The following BRD4 variants were observed in gnomAD, a reference collection of about 807,000 sequenced individuals.
The protein encoded by BRD4 is bromodomain-containing protein 4.
Under a neutral mutation model 142.1 loss-of-function variants are expected in BRD4, and 16 were observed. The observed-to-expected ratio is 0.11, with a 90% CI of 0.08 to 0.17. BRD4 has a LOEUF of 0.17. Among genes scored for constraint, BRD4 ranks in the 10% least tolerant of loss-of-function variants. BRD4 has a pLI of 1.00. For synonymous variants in BRD4, 833 were observed against 707.5 expected, an observed-to-expected ratio of 1.18 and a Z score of -2.82; for missense variants, 1,424 against 1,810.9, an observed-to-expected ratio of 0.79 and a Z score of 3.88.
At chr19:15,327,126 A>T (rs1275451686) in intron 1 of BRD4, among the ~76,000 whole-genome samples, 2 of 152,126 alleles carry the variant, frequency 1.3e-5, no homozygotes, top group Non-Finnish European at 2.9e-5. Context: ...TAACCATTCT[A>T]CCTAAGTACT....
intron 1 of BRD4, among the ~76,000 whole-genome samples, chr19:15,316,097 A>G (rs2048015578): frequency 7.3e-6 from 1 of 136,330 alleles, no homozygotes; most frequent in South Asian, 2.5e-4. Flanking sequence ...CAGAGCTTGC[A>G]GTGAGCCGAG....
chr19:15,256,616 C>T (rs1363727913), intron 8 of BRD4, among the ~76,000 whole-genome samples: 1 of 152,174 alleles, frequency 6.6e-6, no homozygotes, highest in East Asian at 1.9e-4. Flanking sequence ...CACGAAGGGC[C>T]TGATGACTGG....
In BRD4 at chr19:15,243,468, G is replaced by A; in HGVS notation, c.2601C>T (p.Pro867=). The change falls in exon 14 of 20, where the codon CCC becomes CCT. Residue 867 remains proline (P), a synonymous_variant. Coordinates refer to ENST00000679869, the MANE Select transcript of BRD4 (RefSeq NM_001379291.1). ...GGTTGCTGGGCCGTGATGGCTGCTG[G>A]GGTAGTGCGTTGTGCAAAGCTGGAA... ...VSPPALHNAL[P]QQPSRPSNRA... The A allele has an allele frequency of 6.3e-7, 1 of 1,575,478 alleles. No individual in the cohort carries two copies. The highest frequency in any genetic ancestry group is 8.6e-7 in the Non-Finnish European group (1 of 1,163,490).
rs2145492662 is a variant in BRD4, at chr19:15,236,662, G to A, written c.*1715C>T. 6.1e-6 allele frequency: 1 copy of A among 163,868 alleles called. No individual in the cohort carries two copies. The highest frequency in any genetic ancestry group is 2.0e-4 in the South Asian group (1 of 4,908). The allele number at this position is 163,868 out of a possible 1,614,324, so 10.2% of individuals were successfully genotyped here. A position where few individuals can be genotyped will look rare whatever the true frequency, so the allele number is the denominator to read the frequency against. ...TGCGTCACAGCTTCAGCTTGGGGTGGTTGCTATGAGTCTGCGTGGCTCCCG... is the reference window on the plus strand; with the variant it reads ...TGCGTCACAGCTTCAGCTTGGGGTGATTGCTATGAGTCTGCGTGGCTCCCG... On this transcript the variant is annotated 3_prime_UTR_variant, in exon 20 of 20. Coordinates refer to ENST00000679869, the MANE Select transcript of BRD4 (RefSeq NM_001379291.1).
chr19:15,251,637 G>A lies in BRD4; in HGVS notation c.2158+2515C>T, dbSNP rs112224181. Among the ~76,000 whole-genome samples, 890 of 152,144 alleles carry A rather than the reference G, an allele frequency of 5.8e-3. 16 individuals carry two copies. Among genetic ancestry groups the A allele is most frequent in the African/African-American group, 0.02 (843 of 41,508 alleles). On this transcript the variant is annotated intron_variant, in intron 11 of 19. Transcript: ENST00000679869. ...AGGAGCTACGCCCCCTCTGCCCCCC[G>A]CCCTGAGAGTGCAGAGTCCTGTGCG...
In BRD4 at chr19:15,255,382, G is replaced by A. The variant is rs1258693281; in HGVS notation, c.1962C>T (p.Ile654=). The A allele has an allele frequency of 5.0e-6, 8 of 1,614,034 alleles. No homozygotes were observed. The highest frequency in any genetic ancestry group is 1.6e-4 in the Middle Eastern group (1 of 6,062). Residue 654 remains isoleucine, a synonymous_variant, in exon 10 of 20, where the codon ATC becomes ATT. Transcript: ENST00000679869. ...LKNSNPDEIE[I]DFETLKPSTL... ...TGGACGGCTTCAGGGTCTCAAAGTCGATTTCAATCTCGTCGGGGTTGGAAT... is the reference window on the plus strand; with the variant it reads ...TGGACGGCTTCAGGGTCTCAAAGTCAATTTCAATCTCGTCGGGGTTGGAAT...
intron 1 of BRD4, among the ~76,000 whole-genome samples, chr19:15,314,426 T>C (rs1377520838): frequency 1.3e-5 from 2 of 152,140 alleles, no homozygotes; most frequent in Non-Finnish European, 2.9e-5. Context: ...TTAAAGCAAA[T>C]TCACTAATCT....
At chr19:15,314,439 G>C (rs2047999449) in intron 1 of BRD4, among the ~76,000 whole-genome samples, 1 of 152,116 alleles carries the variant, frequency 6.6e-6, no homozygotes, top group South Asian at 2.1e-4. Context: ...ACTAATCTGT[G>C]TTCTTACTAC....
chr19:15,328,293 A>G (rs528371390), intron 1 of BRD4, among the ~76,000 whole-genome samples: 42 of 152,298 alleles, frequency 2.8e-4, no homozygotes, highest in Non-Finnish European at 3.2e-4. Context: ...AAAAAAACTT[A>G]ACAGGTTTTT....
Position 15,264,558 on chromosome 19 carries a change from T to A in BRD4, c.1058A>T (p.Gln353Leu). The A allele has an allele frequency of 6.2e-7, 1 of 1,614,248 alleles. No individual in the cohort carries two copies. Among genetic ancestry groups the A allele is most frequent in the Non-Finnish European group, 8.5e-7 (1 of 1,180,054 alleles). ...GAGGATGCCGCTGCAGCACTTGAGC[T>A]GCTCCGAGACCTTGCTGCTCTTCTC... ...APEKSSKVSE[Q>L]LKCCSGILKE... Residue 353 changes from glutamine to leucine, a missense_variant, in exon 6 of 20, where the codon CAG becomes CTG. By Grantham distance (113) the Gln-to-Leu change is moderately radical. Coordinates refer to ENST00000679869, the MANE Select transcript of BRD4 (RefSeq NM_001379291.1).
intron 7 of BRD4, among the ~76,000 whole-genome samples, chr19:15,259,591 C>A (rs563534639): frequency 2.0e-5 from 3 of 152,336 alleles, no homozygotes; most frequent in Non-Finnish European, 4.4e-5. Flanking sequence ...AGTTGTGTGA[C>A]CCTGTCATCC....
At chr19:15,247,125 A>C in intron 11 of BRD4, 2 of 213,260 alleles carry the variant, frequency 9.4e-6, no homozygotes, top group African/African-American at 2.3e-5. Flanking sequence ...TAGGATGGTA[A>C]TTGTACAAAG....
In BRD4 at chr19:15,238,554, A is replaced by T; in HGVS notation, c.4021-109T>A. On this transcript the variant is annotated intron_variant, in intron 19 of 19. Transcript: ENST00000679869. This position sits in a 1 kb window ranked among gnomAD's most constrained non-coding sequence, Gnocchi z 7.2. ...AGCCCCGTAGCCCTCCCCGTGGCTG[A>T]CCCCTCATAGCGCTCACCCCGTCCA... The T allele has an allele frequency of 6.4e-7, 1 of 1,570,208 alleles. No individual in the cohort carries two copies. Among genetic ancestry groups the T allele is most frequent in the African/African-American group, 1.4e-5 (1 of 73,542 alleles).
At chr19:15,331,828 G>A (rs1323540487) in intron 1 of BRD4, 2 of 148,414 alleles carry the variant, frequency 1.3e-5, no homozygotes, top group African/African-American at 2.4e-5. Context: ...CGCCAGGCCG[G>A]GACTTACCCG....
intron 1 of BRD4, among the ~76,000 whole-genome samples, chr19:15,325,210 T>TG (rs1223709131): frequency 2.0e-5 from 3 of 152,218 alleles, no homozygotes; most frequent in African/African-American, 7.2e-5. Context: ...AATGAAGCTC[T>TG]GGGAAGGCTG....
chr19:15,248,862 G>A (rs2145537313), intron 11 of BRD4: 3 of 319,922 alleles, frequency 9.4e-6, no homozygotes, highest in Non-Finnish European at 1.8e-5. Flanking sequence ...AGTAGTTAGG[G>A]TCCAAAGTCC....
intron 1 of BRD4, among the ~76,000 whole-genome samples, chr19:15,279,162 T>C (rs1042258714): frequency 1.1e-4 from 16 of 152,222 alleles, no homozygotes; most frequent in African/African-American, 3.9e-4. Context: ...TTTTCAAAGA[T>C]GTTCTTTGCA....
At chr19:15,240,615 A>C (rs1251340105) in intron 14 of BRD4, among the ~76,000 whole-genome samples, 1 of 152,192 alleles carries the variant, frequency 6.6e-6, no homozygotes, top group African/African-American at 2.4e-5. Flanking sequence ...AGCAGGCGGA[A>C]AAGGGCCTGG....
At chr19:15,301,733 C>A (rs978126580) in intron 1 of BRD4, among the ~76,000 whole-genome samples, 2 of 151,266 alleles carry the variant, frequency 1.3e-5, no homozygotes, top group African/African-American at 4.9e-5. Context: ...TGGTGGTGGG[C>A]GCCTGTAGTC....
Sources: gnomAD v4.1 joint callset for allele counts (sites outside exome capture counted in the v4.1 genomes callset) on GRCh38, gnomAD v4.1.1 for gene constraint, Gnocchi (gnomAD v3.1) non-coding constraint, MANE v1.5 for transcripts, NCBI Gene and HGNC (gene_info 2026-07-23, HGNC 2026-07-21) for gene names.